Variants in SVOPL observed in about 807,000 individuals in gnomAD.
The protein encoded by SVOPL is SVOP like.
Under a neutral mutation model 61.0 loss-of-function variants are expected in SVOPL, and 60 were observed. That is an observed-to-expected ratio of 0.98 (90% CI 0.80 to 1.22). The LOEUF is 1.22. SVOPL is among the 50% of genes most tolerant of loss of function. SVOPL has a pLI of 0.00. For synonymous variants in SVOPL, 279 were observed against 250.0 expected (o/e 1.12, Z -1.09); for missense variants, 662 against 643.9 (o/e 1.03, Z -0.30).
At chr7:138,664,716 T>C (rs2117093903) in intron 4 of SVOPL, among the ~76,000 whole-genome samples, 1 of 150,478 alleles carries the variant, frequency 6.6e-6, no homozygotes, top group Admixed American at 6.6e-5. Flanking sequence ...TGATCCTCCA[T>C]GGGTGTGCCG....
At chr7:138,643,140 G>T (rs1800912555) in intron 9 of SVOPL, among the ~76,000 whole-genome samples, 1 of 151,858 alleles carries the variant, frequency 6.6e-6, no homozygotes, top group African/African-American at 2.4e-5. Flanking sequence ...TGAAAGTGAG[G>T]CCTTGGCCAG....
intron 1 of SVOPL, among the ~76,000 whole-genome samples, chr7:138,679,292 T>G (rs1316613030): frequency 6.6e-6 from 1 of 152,050 alleles, no homozygotes; most frequent in Non-Finnish European, 1.5e-5. Flanking sequence ...TTGATTGAGA[T>G]GGAGTCTCGC....
intron 9 of SVOPL, among the ~76,000 whole-genome samples, chr7:138,631,232 T>G (rs954856917): frequency 6.6e-6 from 1 of 152,096 alleles, no homozygotes; most frequent in Non-Finnish European, 1.5e-5. Context: ...AGTAGGTATG[T>G]CTATTTATGG....
chr7:138,667,742 C>A (rs893547618), intron 4 of SVOPL, among the ~76,000 whole-genome samples: 9 of 152,198 alleles, frequency 5.9e-5, no homozygotes, highest in African/African-American at 2.2e-4. Context: ...GTTCTTGAAA[C>A]TGACACTGCA....
At chr7:138,625,210 T>G (rs369673396) in intron 13 of SVOPL, 1 of 152,222 alleles carries the variant, frequency 6.6e-6, no homozygotes. Context: ...AAACATCTCA[T>G]AGCTTTCTAT....
chr7:138,696,705 T>C (rs546070418), intron 1 of SVOPL, among the ~76,000 whole-genome samples: 3 of 152,278 alleles, frequency 2.0e-5, no homozygotes, highest in Non-Finnish European at 4.4e-5. Context: ...ATTACAGGCG[T>C]GAGCCACCGC....
At chr7:138,682,375 G>A (rs1479182744) in intron 1 of SVOPL, among the ~76,000 whole-genome samples, 1 of 152,178 alleles carries the variant, frequency 6.6e-6, no homozygotes, top group Non-Finnish European at 1.5e-5. Flanking sequence ...AACATCACCT[G>A]TGAAGTATTC....
At chr7:138,678,399 G>A (rs755941845) in intron 3 of SVOPL, 35 bp downstream of exon 3, 1 of 1,539,776 alleles carries the variant, frequency 6.5e-7, no homozygotes, top group Non-Finnish European at 8.8e-7. Context: ...TACAGAGTTT[G>A]ACACTTTTCG....
intron 13 of SVOPL, among the ~76,000 whole-genome samples, chr7:138,623,249 T>C (rs1799747763): frequency 6.6e-6 from 1 of 152,200 alleles, no homozygotes; most frequent in Non-Finnish European, 1.5e-5. Flanking sequence ...ATCTGGAAGA[T>C]GGAATAACAG....
chr7:138,625,890 C>T lies in SVOPL; in HGVS notation c.1263+79G>A, dbSNP rs895789566. The T allele has an allele frequency of 2.2e-6, 3 of 1,339,950 alleles. No individual in the cohort carries two copies. In the South Asian group the frequency reaches 3.9e-5, roughly 17 times the overall value. 83.0% of individuals were successfully genotyped at this position (1,339,950 alleles called of 1,614,324 possible). Reference sequence around the variant, plus strand: ...TCATCAAAAGTCAACAGAAGCCAGGCATGCATTACCTTTGGATGGACATCC... The same window carrying T: ...TCATCAAAAGTCAACAGAAGCCAGGTATGCATTACCTTTGGATGGACATCC... On this transcript the variant is annotated intron_variant, in intron 13 of 15. Transcript: ENST00000674285.
At chr7:138,599,713 C>A (rs971257106) in intron 14 of SVOPL, among the ~76,000 whole-genome samples, 3 of 151,918 alleles carry the variant, frequency 2.0e-5, no homozygotes, top group Non-Finnish European at 4.4e-5. Flanking sequence ...CAAGGTGAAA[C>A]CCCGTCTCTA....
intron 14 of SVOPL, among the ~76,000 whole-genome samples, chr7:138,614,297 G>A (rs1799185034): frequency 6.6e-6 from 1 of 152,080 alleles, no homozygotes; most frequent in Non-Finnish European, 1.5e-5. Flanking sequence ...AAGCCTGAAA[G>A]GCTGAATGAT....
intron 7 of SVOPL, among the ~76,000 whole-genome samples, chr7:138,654,637 C>G (rs988518490): frequency 6.6e-6 from 1 of 151,340 alleles, no homozygotes; most frequent in Non-Finnish European, 1.5e-5. Flanking sequence ...GTAGCTGGGA[C>G]TACAGGCGGT....
chr7:138,637,171 T>C (rs952085135), intron 9 of SVOPL, among the ~76,000 whole-genome samples: 1 of 152,104 alleles, frequency 6.6e-6, no homozygotes, highest in East Asian at 1.9e-4. Flanking sequence ...TGGATGCATG[T>C]AATCTCAGCA....
chr7:138,659,869 C>T lies in SVOPL; in HGVS notation c.465G>A (p.Ser155=), dbSNP rs139338246. 2.6e-6 allele frequency: 4 copies of T among 1,551,406 alleles called. No individual in the cohort carries two copies. The highest frequency in any genetic ancestry group is 1.2e-5 in the South Asian group (1 of 84,044). Residue 155 remains serine (S), a synonymous_variant, in exon 6 of 16, where the codon TCG becomes TCA. Coordinates refer to ENST00000674285, the MANE Select transcript of SVOPL (RefSeq NM_001139456.2). ...TMVGCGVSGH[S]QGLIIKTEFL... ...CCCCTGGGTAACATATTTACCCTTG[C>T]GAGTGGCCGGACACACCACAGCCCA...
chr7:138,684,794 C>A (rs1016507294), intron 1 of SVOPL, among the ~76,000 whole-genome samples: 3 of 152,206 alleles, frequency 2.0e-5, no homozygotes, highest in Non-Finnish European at 2.9e-5. Context: ...TCAGTTATCT[C>A]AGAGAGATAT....
intron 10 of SVOPL, 55 bp from the exon 11 acceptor site, chr7:138,628,418 G>A (rs1313065063): frequency 6.4e-7 from 1 of 1,567,188 alleles, no homozygotes; most frequent in Non-Finnish European, 8.7e-7. Flanking sequence ...CCTGAAGGAT[G>A]AGTGGGGAGG....
chr7:138,596,601 A>G, intron 14 of SVOPL, 71 bp from the exon 15 acceptor site: 9 of 1,553,454 alleles, frequency 5.8e-6, no homozygotes, highest in Non-Finnish European at 7.9e-6. Flanking sequence ...TATGTGAAAG[A>G]GAAAATACAG....
intron 9 of SVOPL, among the ~76,000 whole-genome samples, chr7:138,639,902 G>A (rs979430209): frequency 3.9e-5 from 5 of 127,592 alleles, no homozygotes; most frequent in Admixed American, 9.0e-5. Flanking sequence ...ACAGGTGTGC[G>A]CCACTATGCC....
Sources: gnomAD v4.1 joint callset for allele counts (sites outside exome capture counted in the v4.1 genomes callset) on GRCh38, gnomAD v4.1.1 for gene constraint, MANE v1.5 for transcripts, NCBI Gene and HGNC (gene_info 2026-07-23, HGNC 2026-07-21) for gene names.